Variants in BLOC1S2 observed in about 807,000 individuals in gnomAD.
BLOC1S2 encodes the protein biogenesis of lysosome-related organelles complex 1 subunit 2.
A neutral mutation model predicts 19.6 loss-of-function variants in BLOC1S2; 12 were observed. The observed-to-expected ratio is 0.61, with a 90% CI of 0.39 to 0.99. BLOC1S2 has a LOEUF of 0.99. Among genes scored for constraint, BLOC1S2 ranks in the 50% least tolerant of loss-of-function variants. The pLI, the probability that BLOC1S2 is intolerant of heterozygous loss-of-function variation, is 0.00. For synonymous variants in BLOC1S2, 66 were observed against 64.1 expected (o/e 1.03, Z -0.14); for missense variants, 142 against 171.0 (o/e 0.83, Z 0.95).
Position 100,280,587 on chromosome 10 carries a change from C to T in BLOC1S2, c.292+347G>A, listed in dbSNP as rs141201592. Among the ~76,000 whole-genome samples, 250 of 152,284 alleles carry T rather than the reference C, an allele frequency of 1.6e-3. 4 individuals are homozygous for T. Among genetic ancestry groups the T allele is most frequent in the African/African-American group, 5.4e-3 (226 of 41,564 alleles). On this transcript the variant is annotated intron_variant, in intron 3 of 4. Coordinates refer to ENST00000370372, the MANE Select transcript of BLOC1S2 (RefSeq NM_173809.5). The stretch of plus-strand genomic sequence containing the variant: ...AATAAGTCAATGGAAAAAATATATT[C>T]GACTACTCTAAATTAGTGTTTTCCA...
At chr10:100,277,798 T>C (rs1589647939) in intron 4 of BLOC1S2, among the ~76,000 whole-genome samples, 1 of 109,896 alleles carries the variant, frequency 9.1e-6, no homozygotes, top group Non-Finnish European at 1.9e-5. Flanking sequence ...GAGGAGCCCC[T>C]CTGCCCGGCC....
intron 2 of BLOC1S2, among the ~76,000 whole-genome samples, chr10:100,285,870 T>C (rs1408535069): frequency 6.6e-6 from 1 of 152,250 alleles, no homozygotes; most frequent in East Asian, 1.9e-4. Context: ...TCTTGATTAC[T>C]GTTGCTGGAT....
intron 4 of BLOC1S2, 114 bp downstream of exon 4, chr10:100,280,010 T>C (rs1848061655): frequency 1.7e-6 from 1 of 577,760 alleles, no homozygotes; most frequent in Non-Finnish European, 2.9e-6. Context: ...TAAGGTTTTG[T>C]GAAGATTAAT....
chr10:100,275,076 C>A lies in BLOC1S2; in HGVS notation c.*386G>T. 2.5e-6 allele frequency: 1 copy of A among 400,120 alleles called. No homozygotes were observed. The highest frequency in any genetic ancestry group is 4.4e-6 in the Non-Finnish European group (1 of 226,914). 24.8% of individuals were successfully genotyped at this position (400,120 alleles called of 1,614,324 possible). ...TTAGCATCATTAACAGAAAAACGAC[C>A]ATTTACATAGTAACTAAAAAACCAG... On this transcript the variant is annotated 3_prime_UTR_variant, in exon 5 of 5. Transcript: ENST00000370372.
rs1169803662 is a variant in BLOC1S2, at chr10:100,277,527, G to A, written c.398-2034C>T. ...AGGTGGGGGGGTCAGCCCCCCGCCTGGCCAGCTGTCCCGTCCGGGAGGGAG... is the reference window on the plus strand; with the variant it reads ...AGGTGGGGGGGTCAGCCCCCCGCCTAGCCAGCTGTCCCGTCCGGGAGGGAG... On this transcript the variant is annotated intron_variant, in intron 4 of 4. Transcript: ENST00000370372. Among the ~76,000 whole-genome samples the A allele has an allele frequency of 4.7e-5, 5 of 106,068 alleles. 1 individual carries two copies. The highest frequency in any genetic ancestry group is 1.2e-4 in the African/African-American group (3 of 25,388). 69.6% of individuals were successfully genotyped at this position (106,068 alleles called of 152,430 possible).
At chr10:100,285,931 T>G (rs192154847) in intron 2 of BLOC1S2, among the ~76,000 whole-genome samples, 166 bp downstream of exon 2, 2 of 152,334 alleles carry the variant, frequency 1.3e-5, no homozygotes. Flanking sequence ...TACAGAGGCC[T>G]GCAGAGTTGT....
intron 4 of BLOC1S2, among the ~76,000 whole-genome samples, chr10:100,276,926 C>T (rs1212499027): frequency 2.6e-5 from 4 of 152,200 alleles, no homozygotes; most frequent in Non-Finnish European, 5.9e-5. Context: ...GGCCGCCACC[C>T]CGTCTGGGAA....
chr10:100,277,366 C>A (rs1321365514), intron 4 of BLOC1S2, among the ~76,000 whole-genome samples: 1 of 151,216 alleles, frequency 6.6e-6, no homozygotes, highest in African/African-American at 2.4e-5. Flanking sequence ...GCCGCCCCGT[C>A]CGGGAGGTGA....
At chr10:100,280,337 G>T in intron 3 of BLOC1S2, 109 bp from the exon 4 acceptor site, 1 of 944,774 alleles carries the variant, frequency 1.1e-6, no homozygotes, top group Non-Finnish European at 1.5e-6. Context: ...TGCTAAGACA[G>T]ATTAGGTGGC....
intron 1 of BLOC1S2, 39 bp downstream of exon 1, chr10:100,286,566 C>A: frequency 6.2e-7 from 1 of 1,610,488 alleles, no homozygotes; most frequent in Non-Finnish European, 8.5e-7. Context: ...GAGCCCCAGG[C>A]CCCCCACCGG....
In BLOC1S2 at chr10:100,273,371, T is replaced by G. The variant is rs142723935; in HGVS notation, c.*2091A>C. The G allele has an allele frequency of 1.3e-5, 2 of 152,282 alleles. No homozygotes were observed. The highest frequency in any genetic ancestry group is 6.5e-5 in the Admixed American group (1 of 15,296). The allele number at this position is 152,282 out of a possible 1,614,324, so 9.4% of individuals were successfully genotyped here. A position where few individuals can be genotyped will look rare whatever the true frequency, so the allele number is the denominator to read the frequency against. On this transcript the variant is annotated 3_prime_UTR_variant, in exon 5 of 5. Transcript: ENST00000370372. ...CACTTGTACTCTGAAAATACATACA[T>G]CTATTACACATCAATAAAAAAACTC...
chr10:100,285,896 T>C (rs557038894), intron 2 of BLOC1S2, among the ~76,000 whole-genome samples: 45 of 152,344 alleles, frequency 3.0e-4, no homozygotes, highest in African/African-American at 1.1e-3. Context: ...CTCTTTTTTG[T>C]TATTGTTTTC....
chr10:100,279,230 C>T (rs1848035082), intron 4 of BLOC1S2, among the ~76,000 whole-genome samples: 1 of 152,192 alleles, frequency 6.6e-6, no homozygotes, highest in Non-Finnish European at 1.5e-5. Context: ...AGTGATCTTT[C>T]AAGAAAATCC....
Position 100,286,098 on chromosome 10 carries a change from C to T in BLOC1S2, c.171G>A (p.Thr57=), listed in dbSNP as rs749957540. The T allele has an allele frequency of 1.2e-5, 20 of 1,613,730 alleles. No individual in the cohort carries two copies. The East Asian group carries it at 4.0e-4, about 32-fold the overall frequency. The change falls in exon 2 of 5, where the codon ACG becomes ACA. Residue 57 remains threonine, a splice_region_variant and synonymous_variant. Transcript: ENST00000370372. The part of the protein sequence containing the change: ...KMATYLTGEL[T]ATSEDYKLLE... ...GAATCAACCCAGACCCCGCCTCACC[C>T]GTCAGTTCCCCAGTCAGGTAAGTGG...
intron 2 of BLOC1S2, among the ~76,000 whole-genome samples, chr10:100,281,711 TACACACACAC>T (rs71013439): frequency 2.3e-5 from 3 of 132,540 alleles, no homozygotes; most frequent in African/African-American, 5.7e-5. Context: ...TATATACACA[TACACACACAC>T]ACACACACAC....
At chr10:100,276,577 A>G (rs1376558037) in intron 4 of BLOC1S2, among the ~76,000 whole-genome samples, 2 of 150,018 alleles carry the variant, frequency 1.3e-5, no homozygotes, top group Non-Finnish European at 3.0e-5. Context: ...TACTGCTGCC[A>G]TCTCGGCTCG....
At chr10:100,280,787 G>A (rs1322947252) in intron 3 of BLOC1S2, 147 bp downstream of exon 3, 13 of 1,172,616 alleles carry the variant, frequency 1.1e-5, no homozygotes, top group Non-Finnish European at 1.5e-5. Context: ...CCTCAGAATG[G>A]AAGAAATTCA....
At chr10:100,281,755 G>A (rs1283902077) in intron 2 of BLOC1S2, among the ~76,000 whole-genome samples, 2 of 133,086 alleles carry the variant, frequency 1.5e-5, no homozygotes, top group Non-Finnish European at 3.3e-5. Context: ...CTATCAGCTA[G>A]GACCTCACTA....
At chr10:100,282,899 C>T (rs1461431408) in intron 2 of BLOC1S2, 8 of 398,524 alleles carry the variant, frequency 2.0e-5, no homozygotes, top group Admixed American at 4.4e-5. Context: ...AGCCTAGGCT[C>T]TCTTACCTAC....
Sources: gnomAD v4.1 joint callset for allele counts (sites outside exome capture counted in the v4.1 genomes callset) on GRCh38, gnomAD v4.1.1 for gene constraint, MANE v1.5 for transcripts, NCBI Gene and HGNC (gene_info 2026-07-23, HGNC 2026-07-21) for gene names.